Variants in PATJ observed in about 807,000 individuals in gnomAD.
The protein encoded by PATJ is PATJ crumbs cell polarity complex component.
In PATJ, 190 loss-of-function variants were observed where a neutral mutation model predicts 224.9. That is an observed-to-expected ratio of 0.84 (90% confidence interval 0.75 to 0.95). The LOEUF (loss-of-function observed/expected upper bound fraction) is 0.95. PATJ is among the 40% of genes least tolerant of loss of function. The probability of loss-of-function intolerance (pLI) is 0.00; values close to 1 mark genes in which losing one functional copy is unlikely to be tolerated. For synonymous variants in PATJ, 769 were observed against 820.3 expected (o/e 0.94, Z 1.07); for missense variants, 2,121 against 2,270.3 (o/e 0.93, Z 1.34).
Position 61,808,464 on chromosome 1 carries a change from G to T in PATJ, c.1627-10G>T. Reference sequence around the variant, plus strand: ...TTTACAAATACTGGAAATTTTTTTTGTAAATTTAGGTTGCTACTTTGGACA... The same window carrying T: ...TTTACAAATACTGGAAATTTTTTTTTTAAATTTAGGTTGCTACTTTGGACA... On this transcript the variant is annotated splice_polypyrimidine_tract_variant and intron_variant, in intron 13 of 43. Coordinates refer to ENST00000642238, the MANE Select transcript of PATJ (RefSeq NM_001350145.3). 1.3e-6 allele frequency: 2 copies of T among 1,579,864 alleles called. No homozygotes were observed. Among genetic ancestry groups the T allele is most frequent in the Admixed American group, 1.7e-5 (1 of 58,140 alleles).
intron 30 of PATJ, among the ~76,000 whole-genome samples, chr1:62,049,125 C>T (rs935973259): frequency 1.3e-5 from 2 of 151,698 alleles, no homozygotes; most frequent in African/African-American, 4.9e-5. Flanking sequence ...CATAGTCTCC[C>T]CTTACTTTAT....
At chr1:61,995,467 A>G (rs913975290) in intron 28 of PATJ, among the ~76,000 whole-genome samples, 1 of 152,176 alleles carries the variant, frequency 6.6e-6, no homozygotes, top group Non-Finnish European at 1.5e-5. Flanking sequence ...TTGAGCATAC[A>G]TTGTGGCTTC....
At chr1:62,014,562 C>CTTTTTTTTTT (rs35711547) in intron 28 of PATJ, among the ~76,000 whole-genome samples, 2 of 84,518 alleles carry the variant, frequency 2.4e-5, no homozygotes, top group African/African-American at 4.7e-5. Flanking sequence ...CTTTTCTTTC[C>CTTTTTTTTTT]TTTTTTTTTT....
intron 38 of PATJ, among the ~76,000 whole-genome samples, chr1:62,122,655 T>C (rs1665220309): frequency 6.6e-6 from 1 of 151,036 alleles, no homozygotes; most frequent in Admixed American, 6.6e-5. Flanking sequence ...TGAAACCCCG[T>C]CTCTACTAAA....
intron 7 of PATJ, among the ~76,000 whole-genome samples, chr1:61,777,703 C>CTTTTTT (rs66470863): frequency 0.025 from 1,212 of 48,504 alleles, 50 homozygotes; most frequent in Non-Finnish European, 0.031. Flanking sequence ...TTCTTTCTTT[C>CTTTTTT]TTTTTTTTTT....
intron 16 of PATJ, among the ~76,000 whole-genome samples, chr1:61,829,092 T>G (rs1658853108): frequency 6.6e-6 from 1 of 152,222 alleles, no homozygotes; most frequent in African/African-American, 2.4e-5. Flanking sequence ...TTTGTTTTCT[T>G]ATGTCCTGAA....
chr1:61,906,991 G>T (rs545458727), intron 24 of PATJ, among the ~76,000 whole-genome samples: 1 of 152,230 alleles, frequency 6.6e-6, no homozygotes, highest in African/African-American at 2.4e-5. Context: ...GAATCATGGG[G>T]GTGGTTAGCC....
At chr1:62,012,556 A>G (rs1391101012) in intron 28 of PATJ, among the ~76,000 whole-genome samples, 1 of 152,220 alleles carries the variant, frequency 6.6e-6, no homozygotes, top group African/African-American at 2.4e-5. Context: ...GCTTCTCAAT[A>G]ATACAATAGA....
At chr1:62,053,215 A>G (rs1480242466) in intron 31 of PATJ, among the ~76,000 whole-genome samples, 1 of 152,224 alleles carries the variant, frequency 6.6e-6, no homozygotes, top group East Asian at 1.9e-4. Flanking sequence ...CACTTCACCA[A>G]CAATTGAAGG....
At chr1:62,098,713 A>AC (rs1277683096) in intron 33 of PATJ, among the ~76,000 whole-genome samples, 1 of 150,870 alleles carries the variant, frequency 6.6e-6, no homozygotes, top group Admixed American at 6.6e-5. Flanking sequence ...AATTCCTCTG[A>AC]CCCCCCAGTC....
chr1:62,074,489 A>G (rs1282753476), intron 31 of PATJ, among the ~76,000 whole-genome samples: 2 of 152,088 alleles, frequency 1.3e-5, no homozygotes, highest in East Asian at 1.9e-4. Context: ...GCTGGAGTAC[A>G]GTAGTGCAAT....
At position 62,116,683 on chromosome 1, in the gene PATJ, A is replaced by T; in HGVS notation, c.4803+4A>T. Reference sequence around the variant, plus strand: ...GACAGTGGCCACCATCCTCAAGGTGAGTTGCTAGGCTGCTTTTTACCCAGC... The same window carrying T: ...GACAGTGGCCACCATCCTCAAGGTGTGTTGCTAGGCTGCTTTTTACCCAGC... On this transcript the variant is annotated splice_donor_region_variant and intron_variant, in intron 36 of 43. Coordinates refer to ENST00000642238, the MANE Select transcript of PATJ (RefSeq NM_001350145.3). 6.2e-7 allele frequency: 1 copy of T among 1,604,968 alleles called. No homozygotes were observed. Among genetic ancestry groups the T allele is most frequent in the South Asian group, 1.1e-5 (1 of 90,096 alleles).
In PATJ at chr1:62,117,198, A is replaced by G; in HGVS notation, c.4870A>G (p.Thr1624Ala). The change falls in exon 37 of 44, where the codon ACG (threonine) becomes GCG (alanine). Residue 1624 changes from threonine (T) to alanine (A), a missense_variant. Coordinates refer to ENST00000642238, the MANE Select transcript of PATJ (RefSeq NM_001350145.3). Reference sequence around the variant, plus strand: ...AGCTGGTTCCTGGACCTCCGCAAGGACGACATCACAGAACAGTCAGGTTGT... The same window carrying G: ...AGCTGGTTCCTGGACCTCCGCAAGGGCGACATCACAGAACAGTCAGGTTGT... Reference protein sequence around the residue: ...LRAGSWTSARTTSQNSQGSQQ... With the variant: ...LRAGSWTSARATSQNSQGSQQ... 1.2e-6 allele frequency: 2 copies of G among 1,614,136 alleles called. No individual in the cohort carries two copies. Among genetic ancestry groups the G allele is most frequent in the Non-Finnish European group, 1.7e-6 (2 of 1,180,000 alleles).
intron 33 of PATJ, among the ~76,000 whole-genome samples, chr1:62,106,158 GTATATATATA>G (rs61653676): frequency 0.027 from 1,299 of 48,052 alleles, 198 homozygotes; most frequent in Middle Eastern, 0.12. Context: ...GTGTGTGTGT[GTATATATATA>G]TATATATATA....
At chr1:62,101,027 GT>G (rs1345626483) in intron 33 of PATJ, among the ~76,000 whole-genome samples, 1 of 152,058 alleles carries the variant, frequency 6.6e-6, no homozygotes, top group Non-Finnish European at 1.5e-5. Context: ...CAAGCACTTG[GT>G]AGCCTATACT....
intron 8 of PATJ, among the ~76,000 whole-genome samples, chr1:61,789,645 C>T (rs896296310): frequency 6.6e-6 from 1 of 151,914 alleles, no homozygotes; most frequent in East Asian, 1.9e-4. Context: ...AAACCTGACT[C>T]TACTAAAAAT....
intron 19 of PATJ, among the ~76,000 whole-genome samples, chr1:61,862,803 T>A (rs1328567076): frequency 2.0e-5 from 3 of 152,188 alleles, no homozygotes; most frequent in Admixed American, 6.5e-5. Flanking sequence ...TATACTTATG[T>A]TGCTCTTTGC....
At chr1:61,809,340 G>A (rs1654217347) in intron 14 of PATJ, among the ~76,000 whole-genome samples, 1 of 151,938 alleles carries the variant, frequency 6.6e-6, no homozygotes, top group Non-Finnish European at 1.5e-5. Context: ...TAAGTGCTGA[G>A]CCTACCTTAA....
chr1:62,117,168 C>T lies in PATJ; in HGVS notation c.4840C>T (p.Leu1614Phe). The change falls in exon 37 of 44, where the codon CTC (leucine) becomes TTC (phenylalanine). Residue 1614 changes from leucine (L) to phenylalanine (F), a missense_variant. By Grantham distance (22) the Leu-to-Phe change is conservative. Transcript: ENST00000642238. Reference sequence around the variant, plus strand: ...ACTTGTGCAGCTAGAGATTGGAAGACTCCGAGCTGGTTCCTGGACCTCCGC... The same window carrying T: ...ACTTGTGCAGCTAGAGATTGGAAGATTCCGAGCTGGTTCCTGGACCTCCGC... ...QGLVQLEIGR[L>F]RAGSWTSART... The T allele has an allele frequency of 6.2e-7, 1 of 1,614,100 alleles. No homozygotes were observed. Among genetic ancestry groups the T allele is most frequent in the Non-Finnish European group, 8.5e-7 (1 of 1,180,010 alleles).
Sources: gnomAD v4.1 joint callset for allele counts (sites outside exome capture counted in the v4.1 genomes callset) on GRCh38, gnomAD v4.1.1 for gene constraint, MANE v1.5 for transcripts, NCBI Gene and HGNC (gene_info 2026-07-23, HGNC 2026-07-21) for gene names.